The following RCL1 variants were observed in gnomAD, a reference collection of about 807,000 sequenced individuals.
RCL1 encodes RNA 3'-terminal phosphate cyclase-like protein.
Under a neutral mutation model 42.4 loss-of-function variants are expected in RCL1, and 24 were observed. The observed-to-expected ratio is 0.57, with a 90% CI of 0.41 to 0.80. The LOEUF is 0.80. Among genes scored for constraint, RCL1 ranks in the 30% least tolerant of loss-of-function variants. The pLI is 0.00. For synonymous variants in RCL1, 228 were observed against 177.3 expected (o/e 1.29, Z -2.27); for missense variants, 578 against 467.9 (o/e 1.24, Z -2.17).
At chr9:4,858,394 C>T (rs568320433) in intron 8 of RCL1, among the ~76,000 whole-genome samples, 7 of 152,124 alleles carry the variant, frequency 4.6e-5, no homozygotes, top group Admixed American at 3.9e-4. Context: ...TATTGCCATC[C>T]TTTTGGTGTT....
chr9:4,849,678 G>A, intron 8 of RCL1, 128 bp downstream of exon 8: 2 of 661,760 alleles, frequency 3.0e-6, no homozygotes, highest in South Asian at 3.6e-5. Flanking sequence ...CCTCAAATCA[G>A]CCAGCAGTTG....
At chr9:4,834,983 G>T (rs1817074054) in intron 5 of RCL1, among the ~76,000 whole-genome samples, 1 of 152,192 alleles carries the variant, frequency 6.6e-6, no homozygotes, top group Non-Finnish European at 1.5e-5. Context: ...TTTGCCTATA[G>T]AAAGGAGCCT....
At chr9:4,826,461 C>T (rs1816767267) in intron 2 of RCL1, among the ~76,000 whole-genome samples, 1 of 85,284 alleles carries the variant, frequency 1.2e-5, no homozygotes. Context: ...TTTCAGGGGC[C>T]CTAGAGGATG....
intron 5 of RCL1, among the ~76,000 whole-genome samples, chr9:4,837,241 C>G (rs1012864101): frequency 6.6e-6 from 1 of 152,120 alleles, no homozygotes; most frequent in Non-Finnish European, 1.5e-5. Flanking sequence ...ATATAGAACC[C>G]AAAATCAAAT....
chr9:4,827,059 G>A (rs1257717875), intron 3 of RCL1, 26 bp downstream of exon 3: 2 of 1,614,064 alleles, frequency 1.2e-6, no homozygotes, highest in Non-Finnish European at 1.7e-6. Context: ...AAACCGTGGT[G>A]TGGTTTTTGT....
At chr9:4,798,180 G>A (rs564725827) in intron 1 of RCL1, among the ~76,000 whole-genome samples, 1 of 152,290 alleles carries the variant, frequency 6.6e-6, no homozygotes, top group Admixed American at 6.5e-5. Flanking sequence ...GGACCTGGGT[G>A]TTCCTCATCA....
intron 7 of RCL1, among the ~76,000 whole-genome samples, chr9:4,846,235 T>C (rs1817507645): frequency 6.6e-6 from 1 of 152,222 alleles, no homozygotes; most frequent in African/African-American, 2.4e-5. Flanking sequence ...AGGTCCTAAA[T>C]GGCTCTATTT....
intron 8 of RCL1, among the ~76,000 whole-genome samples, chr9:4,859,179 G>C (rs945777189): frequency 2.6e-5 from 4 of 152,226 alleles, no homozygotes; most frequent in African/African-American, 9.6e-5. Context: ...TTCATCCACA[G>C]AATTGCTCTT....
chr9:4,795,021 G>A (rs1439763057), intron 1 of RCL1, among the ~76,000 whole-genome samples: 2 of 152,158 alleles, frequency 1.3e-5, no homozygotes, highest in Non-Finnish European at 2.9e-5. Context: ...CTAGTTATTT[G>A]TACATCCTTG....
At chr9:4,797,818 C>T (rs1398593590) in intron 1 of RCL1, among the ~76,000 whole-genome samples, 3 of 152,174 alleles carry the variant, frequency 2.0e-5, no homozygotes, top group African/African-American at 7.2e-5. Context: ...CATTGAATCT[C>T]TTAAAACTGT....
At chr9:4,807,739 A>G (rs1314642074) in intron 1 of RCL1, among the ~76,000 whole-genome samples, 1 of 152,114 alleles carries the variant, frequency 6.6e-6, no homozygotes, top group East Asian at 1.9e-4. Flanking sequence ...GGTTGGCCTC[A>G]AACTCCTGAC....
At chr9:4,802,052 G>A (rs796430102) in intron 1 of RCL1, among the ~76,000 whole-genome samples, 9 of 150,448 alleles carry the variant, frequency 6.0e-5, no homozygotes, top group African/African-American at 2.2e-4. Flanking sequence ...GGGATTATAG[G>A]TGTGTGCCAC....
intron 1 of RCL1, among the ~76,000 whole-genome samples, chr9:4,795,644 A>G (rs1842902116): frequency 6.6e-6 from 1 of 152,184 alleles, no homozygotes; most frequent in African/African-American, 2.4e-5. Flanking sequence ...CAGAGTTGGA[A>G]AAAACTCAGA....
chr9:4,858,856 T>C (rs943154089), intron 8 of RCL1, among the ~76,000 whole-genome samples: 4 of 152,228 alleles, frequency 2.6e-5, no homozygotes, highest in Admixed American at 2.0e-4. Context: ...GCCATCATTC[T>C]TCACTAAGCC....
intron 1 of RCL1, among the ~76,000 whole-genome samples, chr9:4,822,217 A>G (rs1411249312): frequency 6.6e-6 from 1 of 152,156 alleles, no homozygotes; most frequent in African/African-American, 2.4e-5. Context: ...TGATCCACTC[A>G]CCCTTTGGGA....
chr9:4,794,684 C>A (rs934268693), intron 1 of RCL1, among the ~76,000 whole-genome samples: 3 of 151,600 alleles, frequency 2.0e-5, no homozygotes, highest in African/African-American at 7.3e-5. Context: ...GCCTGGAAAC[C>A]TGGGTTCTCT....
intron 1 of RCL1, among the ~76,000 whole-genome samples, chr9:4,822,461 A>G (rs185105902): frequency 6.6e-6 from 1 of 152,248 alleles, no homozygotes; most frequent in Non-Finnish European, 1.5e-5. Flanking sequence ...TCTTACATTT[A>G]AAATCTATTC....
intron 1 of RCL1, among the ~76,000 whole-genome samples, chr9:4,808,331 A>C (rs1428881399): frequency 1.3e-5 from 2 of 152,028 alleles, no homozygotes; most frequent in Non-Finnish European, 2.9e-5. Flanking sequence ...TTTTTAAGAC[A>C]GGGTCTCCTT....
At chr9:4,849,271 AC>A (rs1563856751) in intron 7 of RCL1, among the ~76,000 whole-genome samples, 175 bp from the exon 8 acceptor site, 1 of 152,050 alleles carries the variant, frequency 6.6e-6, no homozygotes, top group Admixed American at 6.5e-5. Flanking sequence ...TGTTAGTTTA[AC>A]CCTCTACAGT....
Sources: allele counts gnomAD v4.1 joint callset (sites outside exome capture counted in the v4.1 genomes callset), GRCh38; gene constraint gnomAD v4.1.1; transcripts MANE v1.5; gene names NCBI Gene and HGNC (gene_info 2026-07-23, HGNC 2026-07-21).